The following SHC2 variants were observed in gnomAD, a reference collection of about 807,000 sequenced individuals.
The protein encoded by SHC2 is SHC adaptor protein 2.
In SHC2, 62 loss-of-function variants were observed where a neutral mutation model predicts 60.6. The ratio of observed to expected loss-of-function variants is 1.02; its 90% CI spans 0.83 to 1.26. The LOEUF (loss-of-function observed/expected upper bound fraction) is 1.26. SHC2 is among the 50% of genes most tolerant of loss of function. The pLI, the probability that SHC2 is intolerant of heterozygous loss-of-function variation, is 0.00. For missense variants in SHC2, 873 were observed against 822.2 expected (o/e 1.06, Z -0.76); for synonymous variants, 375 against 372.4 (o/e 1.01, Z -0.08).
At position 436,267 on chromosome 19, in the gene SHC2, TCA is replaced by T. The variant is rs1600294940; in HGVS notation, c.849_850del (p.Cys283Ter). On this transcript the variant is annotated stop_gained and frameshift_variant, in exon 7 of 13. Coordinates refer to ENST00000264554, the MANE Select transcript of SHC2 (RefSeq NM_012435.3). LOFTEE classifies it high-confidence loss of function. ...GCTGATGATGCTCTGTGCCAGGCCC[TCA>T]CAGCACTCCAGGATGTGGCAGGCTG... 1 of 1,595,142 alleles carries T rather than the reference TCA, an allele frequency of 6.3e-7. No homozygotes were observed. The highest frequency in any genetic ancestry group is 2.3e-5 in the East Asian group (1 of 43,862).
intron 2 of SHC2, chr19:439,262 G>A (rs1407277856): frequency 1.7e-6 from 1 of 578,814 alleles, no homozygotes; most frequent in Non-Finnish European, 3.1e-6. Context: ...CAGGACAGGT[G>A]CAGCTTGGGC....
chr19:428,812 C>T (rs984052028), intron 9 of SHC2, among the ~76,000 whole-genome samples: 51 of 152,022 alleles, frequency 3.4e-4, no homozygotes, highest in African/African-American at 1.1e-3. Flanking sequence ...CTACACCCAA[C>T]GTGCACAGAA....
At chr19:436,925 G>A (rs899138915) in intron 4 of SHC2, among the ~76,000 whole-genome samples, 3 of 152,084 alleles carry the variant, frequency 2.0e-5, no homozygotes, top group Non-Finnish European at 2.9e-5. Flanking sequence ...GTCCGCAGGA[G>A]GTCACACGGG....
intron 1 of SHC2, among the ~76,000 whole-genome samples, chr19:450,086 G>A (rs547701181): frequency 1.1e-4 from 16 of 152,348 alleles, no homozygotes; most frequent in African/African-American, 3.8e-4. Context: ...CTTTCCACAG[G>A]GGCGAGGGGT....
chr19:436,340 C>T, intron 6 of SHC2, 40 bp downstream of exon 6: 1 of 1,595,380 alleles, frequency 6.3e-7, no homozygotes, highest in South Asian at 1.1e-5. Context: ...GCCGTGCCCC[C>T]CAGCCACAGG....
chr19:435,205 G>A (rs1974688377), intron 7 of SHC2, among the ~76,000 whole-genome samples: 2 of 152,264 alleles, frequency 1.3e-5, no homozygotes, highest in Non-Finnish European at 2.9e-5. Flanking sequence ...ACCGGTCAGG[G>A]TGGCAACTCT....
chr19:457,063 G>A (rs868388664), intron 1 of SHC2, among the ~76,000 whole-genome samples: 6 of 140,688 alleles, frequency 4.3e-5, no homozygotes, highest in East Asian at 4.3e-4. Flanking sequence ...GCTGTGCCCC[G>A]CCTAGAACTC....
Position 424,990 on chromosome 19 carries a change from C to T in SHC2, c.1309+107G>A, listed in dbSNP as rs1974373315. The T allele has an allele frequency of 8.4e-7, 1 of 1,196,874 alleles. No individual in the cohort carries two copies. Among genetic ancestry groups the T allele is most frequent in the Admixed American group, 3.1e-5 (1 of 32,592 alleles). 74.1% of individuals were successfully genotyped at this position (1,196,874 alleles called of 1,614,324 possible). A position where few individuals can be genotyped will look rare whatever the true frequency, so the allele number is the denominator to read the frequency against. On this transcript the variant is annotated intron_variant, in intron 10 of 12. Coordinates refer to ENST00000264554, the MANE Select transcript of SHC2 (RefSeq NM_012435.3). This position sits in a 1 kb window ranked among gnomAD's most constrained non-coding sequence, Gnocchi z 4.5. ...GATCTCACGGGGAGAAGGGAGCCTC[C>T]CCCATCAGACCAGGGAATCCCGTAG...
Position 441,478 on chromosome 19 carries a change from C to T in SHC2, c.469-546G>A, listed in dbSNP as rs1375157783. Among the ~76,000 whole-genome samples the T allele has an allele frequency of 6.6e-6, 1 of 151,962 alleles. No individual in the cohort carries two copies. The highest frequency in any genetic ancestry group is 1.5e-5 in the Non-Finnish European group (1 of 68,008). ...TGATAATACTGAGGGACGAGAGGGG[C>T]AGAGGCGTCCCACCGAGTCCCTGAC... On this transcript the variant is annotated intron_variant, in intron 1 of 12. Transcript: ENST00000264554. This position sits in a 1 kb window ranked among gnomAD's most constrained non-coding sequence, Gnocchi z 4.9.
At chr19:436,806 T>A in intron 4 of SHC2, 123 bp from the exon 5 acceptor site, 1 of 963,060 alleles carries the variant, frequency 1.0e-6, no homozygotes, top group Non-Finnish European at 1.6e-6. Context: ...TGGAGACGTC[T>A]CCTGGACAGG....
At chr19:430,442 A>G (rs541400423) in intron 9 of SHC2, among the ~76,000 whole-genome samples, 4 of 152,234 alleles carry the variant, frequency 2.6e-5, no homozygotes, top group Non-Finnish European at 5.9e-5. Flanking sequence ...CCCAACATGC[A>G]CGGAAACCTA....
chr19:437,307 T>TGCTCATCTGC (rs1974749786), intron 4 of SHC2, among the ~76,000 whole-genome samples: 1 of 149,762 alleles, frequency 6.7e-6, no homozygotes, highest in East Asian at 1.9e-4. Flanking sequence ...TGCTCGTCTG[T>TGCTCATCTGC]GTGCTCATCT....
chr19:455,082 G>C (rs919766957), intron 1 of SHC2, among the ~76,000 whole-genome samples: 1 of 152,256 alleles, frequency 6.6e-6, no homozygotes, highest in African/African-American at 2.4e-5. Flanking sequence ...CAGAGAGCCT[G>C]TTCCACAGAA....
At chr19:435,937 T>C (rs1320376230) in intron 7 of SHC2, 1 of 503,444 alleles carries the variant, frequency 2.0e-6, no homozygotes, top group Non-Finnish European at 3.6e-6. Context: ...CACCGGGGAG[T>C]CAGCTTGCTT....
rs187627480 is a variant in SHC2, at chr19:418,126, C to G, written c.*5+797G>C. ...GTCCACACCCTACCATGGGTCCCCCCGGGCCCCGCACCAAAAGTGGAGGCC... is the reference window on the plus strand; with the variant it reads ...GTCCACACCCTACCATGGGTCCCCCGGGGCCCCGCACCAAAAGTGGAGGCC... On this transcript the variant is annotated intron_variant, in intron 12 of 12. Transcript: ENST00000264554. Among the ~76,000 whole-genome samples the G allele has an allele frequency of 7.5e-3, 1,135 of 152,264 alleles. 17 individuals carry two copies. The highest frequency in any genetic ancestry group is 0.025 in the African/African-American group (1,048 of 41,558).
In SHC2 at chr19:440,365, C is replaced by T. The variant is rs540232549; in HGVS notation, c.539+497G>A. Among the ~76,000 whole-genome samples, 2 of 152,162 alleles carry T rather than the reference C, an allele frequency of 1.3e-5. No homozygotes were observed. The highest frequency in any genetic ancestry group is 2.9e-5 in the Non-Finnish European group (2 of 68,026). Reference sequence around the variant, plus strand: ...TCTCACATACGCACGTGTAAACTGTCTCACATGGTTTTTTTAAGTCTATAC... The same window carrying T: ...TCTCACATACGCACGTGTAAACTGTTTCACATGGTTTTTTTAAGTCTATAC... On this transcript the variant is annotated intron_variant, in intron 2 of 12. Coordinates refer to ENST00000264554, the MANE Select transcript of SHC2 (RefSeq NM_012435.3). This position sits in a 1 kb window ranked among gnomAD's most constrained non-coding sequence, Gnocchi z 7.0.
rs374574888 is a variant in SHC2 at position 419,030 on chromosome 19, C to G, written c.1647G>C (p.Glu549Asp). 3.2e-6 allele frequency: 5 copies of G among 1,586,670 alleles called. No individual in the cohort carries two copies. The African/African-American group carries it at 4.0e-5, about 13-fold the overall frequency. ...GGTGGTCGATCAGGTGGCTGATGCT[C>G]TCAAACAGCACGTCCTTCGTCCGTA... ...GVVRTKDVLF[E>D]SISHLIDHHL... is the part of the protein sequence containing the mutation. The change falls in exon 12 of 13, where the codon GAG (glutamate) becomes GAC (aspartate). Residue 549 changes from glutamate (E) to aspartate (D), a missense_variant. By Grantham distance (45) the Glu-to-Asp change is conservative (BLOSUM62 2). Coordinates refer to ENST00000264554, the MANE Select transcript of SHC2 (RefSeq NM_012435.3).
At chr19:434,356 G>C (rs1173944425) in intron 8 of SHC2, among the ~76,000 whole-genome samples, 2 of 58,278 alleles carry the variant, frequency 3.4e-5, no homozygotes. Context: ...GAGTGAGTGA[G>C]ATCATGAGAT....
rs780428019 is a variant in SHC2, at chr19:422,307, A to C, written c.1459T>G (p.Trp487Gly). 4.3e-6 allele frequency: 7 copies of C among 1,611,676 alleles called. No individual in the cohort carries two copies. ...CGGCGGCTCATCCGGCCGTGGTACC[A>C]GGGCTCCTGACGCAGCTGTTCCTCC... ...PTEEQLRQEPWYHGRMSRRAA... is the reference protein window; with the variant it reads ...PTEEQLRQEPGYHGRMSRRAA... The change falls in exon 11 of 13, where the codon TGG (tryptophan) becomes GGG (glycine). Residue 487 changes from tryptophan to glycine, a missense_variant. Trp to Gly is a radical substitution (Grantham distance 184). Coordinates refer to ENST00000264554, the MANE Select transcript of SHC2 (RefSeq NM_012435.3). This position sits in a 1 kb window ranked among gnomAD's most constrained non-coding sequence, Gnocchi z 5.0.
Sources: gnomAD v4.1 joint callset for allele counts (sites outside exome capture counted in the v4.1 genomes callset) on GRCh38, gnomAD v4.1.1 for gene constraint, Gnocchi (gnomAD v3.1) non-coding constraint, MANE v1.5 for transcripts, NCBI Gene and HGNC (gene_info 2026-07-23, HGNC 2026-07-21) for gene names.